Variants in NLRC3 observed in about 807,000 individuals in gnomAD.
The protein encoded by NLRC3 is NLR family CARD domain-containing protein 3.
A neutral mutation model predicts 91.6 loss-of-function variants in NLRC3; 87 were observed. The observed-to-expected ratio is 0.95, with a 90% CI of 0.80 to 1.14. The LOEUF (loss-of-function observed/expected upper bound fraction) is 1.14. Among genes scored for constraint, NLRC3 ranks in the 50% most tolerant of loss-of-function variants. The pLI is 0.00. For missense variants in NLRC3, 1,577 were observed against 1,418.6 expected, an observed-to-expected ratio of 1.11 and a Z score of -1.79; for synonymous variants, 694 against 625.3, an observed-to-expected ratio of 1.11 and a Z score of -1.64.
At chr16:3,544,369 A>G in intron 15 of NLRC3, 40 bp from the exon 16 acceptor site, 1 of 1,438,444 alleles carries the variant, frequency 7.0e-7, no homozygotes, top group Non-Finnish European at 9.8e-7. Flanking sequence ...CACGGGGCAC[A>G]GGGAGCATTC....
At chr16:3,552,683 T>C (rs2039077921) in intron 9 of NLRC3, among the ~76,000 whole-genome samples, 1 of 152,186 alleles carries the variant, frequency 6.6e-6, no homozygotes, top group Non-Finnish European at 1.5e-5. Flanking sequence ...GGCTCATGCC[T>C]GTGATCCCAG....
chr16:3,564,890 T>C lies in NLRC3; in HGVS notation c.147A>G (p.Thr49=), dbSNP rs2039806643. 6.2e-7 allele frequency: 1 copy of C among 1,609,174 alleles called. No individual in the cohort carries two copies. Among genetic ancestry groups the C allele is most frequent in the African/African-American group, 1.3e-5 (1 of 74,940 alleles). ...GSQAPQALDR[T]PDAPLGPCSN... is the part of the protein sequence containing the mutation. Reference sequence around the variant, plus strand: ...TGCAGGGCCCCAGCGGGGCATCCGGTGTCCTATCCAGGGCCTGCGGGGCCT... The same window carrying C: ...TGCAGGGCCCCAGCGGGGCATCCGGCGTCCTATCCAGGGCCTGCGGGGCCT... Residue 49 remains threonine, a synonymous_variant, in exon 4 of 20, where the codon ACA becomes ACG. Coordinates refer to ENST00000359128, the MANE Select transcript of NLRC3 (RefSeq NM_178844.4). This position sits in a 1 kb window ranked among gnomAD's most constrained non-coding sequence, Gnocchi z 5.9.
chr16:3,550,568 G>T, intron 10 of NLRC3, 71 bp from the exon 11 acceptor site: 2 of 1,158,790 alleles, frequency 1.7e-6, no homozygotes, highest in Non-Finnish European at 2.6e-6. Flanking sequence ...AGGGATCAGA[G>T]TCAGGGAAGC....
At chr16:3,546,173 G>A (rs1037974407) in intron 15 of NLRC3, among the ~76,000 whole-genome samples, 2 of 152,160 alleles carry the variant, frequency 1.3e-5, no homozygotes, top group African/African-American at 4.8e-5. Context: ...CAAGGTGGGA[G>A]GATCGCTTGA....
intron 5 of NLRC3, among the ~76,000 whole-genome samples, chr16:3,562,596 G>A (rs1026017480): frequency 6.6e-6 from 1 of 152,080 alleles, no homozygotes; most frequent in African/African-American, 2.4e-5. Flanking sequence ...AGCTGAGATC[G>A]CGCCACTGTA....
intron 10 of NLRC3, 46 bp downstream of exon 10, chr16:3,552,150 G>C (rs755873640): frequency 2.0e-5 from 23 of 1,156,776 alleles, no homozygotes; most frequent in Non-Finnish European, 2.9e-5. Flanking sequence ...GTTGGGCATT[G>C]TGCTGGGCAC....
Position 3,564,339 on chromosome 16 carries a change from G to T in NLRC3, c.598C>A (p.His200Asn). 1 of 1,611,874 alleles carries T rather than the reference G, an allele frequency of 6.2e-7. No individual in the cohort carries two copies. The highest frequency in any genetic ancestry group is 1.1e-5 in the South Asian group (1 of 91,014). Residue 200 changes from histidine (H) to asparagine (N), a missense_variant, in exon 5 of 20, where the codon CAC becomes AAC. His to Asn is a moderately conservative substitution (Grantham distance 68). Coordinates refer to ENST00000359128, the MANE Select transcript of NLRC3 (RefSeq NM_178844.4). The surrounding 1 kb of genome is among the most constrained non-coding windows in gnomAD (Gnocchi z 5.9). ...ACCGCCAGGCTGGGCTCCCCGACGTGCGGGAAGACCGAGCAGATGAGTCGG... is the reference window on the plus strand; with the variant it reads ...ACCGCCAGGCTGGGCTCCCCGACGTTCGGGAAGACCGAGCAGATGAGTCGG... The part of the protein sequence containing the change: ...ADRLICSVFP[H>N]VGEPSLAVAV...
intron 2 of NLRC3, 125 bp from the exon 3 acceptor site, chr16:3,565,505 G>T: frequency 2.9e-6 from 1 of 341,424 alleles, no homozygotes; most frequent in Non-Finnish European, 5.4e-6. Context: ...AAAGGCAGCA[G>T]CAGCCACTCT....
At chr16:3,555,350 A>G (rs571833855) in intron 8 of NLRC3, among the ~76,000 whole-genome samples, 3 of 152,334 alleles carry the variant, frequency 2.0e-5, no homozygotes, top group African/African-American at 4.8e-5. Flanking sequence ...AGGCGAGCCT[A>G]TATAAATCTA....
chr16:3,574,456 G>C (rs1414090733), intron 1 of NLRC3, among the ~76,000 whole-genome samples: 4 of 152,112 alleles, frequency 2.6e-5, no homozygotes, highest in Admixed American at 6.5e-5. Context: ...ATGAGGGAGG[G>C]ACAGTGCTGG....
chr16:3,561,936 T>A (rs1258142975), intron 5 of NLRC3, 148 bp from the exon 6 acceptor site: 1 of 621,982 alleles, frequency 1.6e-6, no homozygotes, highest in Non-Finnish European at 2.9e-6. Flanking sequence ...CTCAGACCTT[T>A]CCCGTGAGAG....
rs996780399 is a variant in NLRC3, at chr16:3,542,201, G to A, written c.3097C>T (p.Gln1033Ter). ...GGCAGGTGCACTCACTTGATATGCT[G>A]GAGCCTGTGGTTTCCAGACAGTGCT... ...ATALSGNHRLQHINLQGNHIG... is the reference protein window; with the variant it reads ...ATALSGNHRL The change falls in exon 19 of 20, where the codon CAG becomes TAG. Residue 1033 changes from glutamine to a stop codon, truncating the protein, a stop_gained. Coordinates refer to ENST00000359128, the MANE Select transcript of NLRC3 (RefSeq NM_178844.4). LOFTEE classifies it high-confidence loss of function. 6.3e-7 allele frequency: 1 copy of A among 1,583,980 alleles called. No homozygotes were observed. Among genetic ancestry groups the A allele is most frequent in the South Asian group, 1.2e-5 (1 of 86,232 alleles).
At chr16:3,561,670 G>A in intron 6 of NLRC3, 32 bp downstream of exon 6, 1 of 1,455,358 alleles carries the variant, frequency 6.9e-7, no homozygotes, top group South Asian at 1.1e-5. Flanking sequence ...CAAGACCATA[G>A]GCACCCTGGA....
Position 3,566,318 on chromosome 16 carries a change from C to T in NLRC3, c.-87+925G>A, listed in dbSNP as rs545154731. Reference sequence around the variant, plus strand: ...ATTTTTCTGTAAACCTGGCCAGACGCGGTGGCTCATGTCTGTAAGCCCAGC... The same window carrying T: ...ATTTTTCTGTAAACCTGGCCAGACGTGGTGGCTCATGTCTGTAAGCCCAGC... On this transcript the variant is annotated intron_variant, in intron 2 of 19. Transcript: ENST00000359128. 1.4e-4 allele frequency among the ~76,000 whole-genome samples: 22 copies of T among 151,980 alleles called. 1 individual carries two copies. Among genetic ancestry groups the T allele is most frequent in the African/African-American group, 5.1e-4 (21 of 41,432 alleles).
In NLRC3 at chr16:3,551,548, C is replaced by CATCCACCCATCCACCA. The variant is rs1372654569; in HGVS notation, c.2351+632_2351+647dup. ...TCATTTATTCAACCATCCATCCATCCATCCACCCATCCACCAATCCACCCA... is the reference window on the plus strand; with the variant it reads ...TCATTTATTCAACCATCCATCCATCCATCCACCCATCCACCAATCCACCCATCCACCAATCCACCCA... On this transcript the variant is annotated intron_variant, in intron 10 of 19. Coordinates refer to ENST00000359128, the MANE Select transcript of NLRC3 (RefSeq NM_178844.4). Among the ~76,000 whole-genome samples the CATCCACCCATCCACCA allele has an allele frequency of 4.6e-5, 7 of 151,648 alleles. No individual in the cohort carries two copies. The East Asian group carries it at 1.2e-3, about 25-fold the overall frequency.
In NLRC3 at chr16:3,563,701, TTTC is replaced by T. The variant is rs1184651050; in HGVS notation, c.1233_1235del (p.Lys412del). The T allele has an allele frequency of 1.9e-6, 3 of 1,613,534 alleles. No homozygotes were observed. The highest frequency in any genetic ancestry group is 2.5e-6 in the Non-Finnish European group (3 of 1,179,846). Reference sequence around the variant, plus strand: ...TCATGTCTTGCTCGTAAAACACGTATTTCTTCTTGAGCAGCCCATGGAAGGCCA... The same window carrying T: ...TCATGTCTTGCTCGTAAAACACGTATTTCTTGAGCAGCCCATGGAAGGCCA... On this transcript the variant is annotated inframe_deletion, in exon 5 of 20. Coordinates refer to ENST00000359128, the MANE Select transcript of NLRC3 (RefSeq NM_178844.4).
chr16:3,562,595 C>T (rs1475046034), intron 5 of NLRC3, among the ~76,000 whole-genome samples: 4 of 152,074 alleles, frequency 2.6e-5, no homozygotes, highest in African/African-American at 4.8e-5. Flanking sequence ...GAGCTGAGAT[C>T]GCGCCACTGT....
chr16:3,542,892 G>A (rs1364451106), intron 17 of NLRC3, 117 bp from the exon 18 acceptor site: 3 of 673,496 alleles, frequency 4.5e-6, no homozygotes, highest in African/African-American at 3.6e-5. Flanking sequence ...AGCAGTCACA[G>A]GAGGCCAGGG....
At position 3,554,255 on chromosome 16, in the gene NLRC3, G is replaced by A. The variant is rs745483324; in HGVS notation, c.2254C>T (p.Leu752Phe). Residue 752 changes from leucine (L) to phenylalanine (F), a missense_variant, in exon 9 of 20, where the codon CTC becomes TTC. By Grantham distance (22) the Leu-to-Phe change is conservative. Coordinates refer to ENST00000359128, the MANE Select transcript of NLRC3 (RefSeq NM_178844.4). ...GTGTTCACTCACTGCAGCATGGAGA[G>A]GGTCCGGTTGGAGGCCAAGGCCTCA... is the stretch of plus-strand genomic sequence containing the variant. ...MAEALASNRT[L>F]SMLHLQKNSI... 2 of 1,612,402 alleles carry A rather than the reference G, an allele frequency of 1.2e-6. No individual in the cohort carries two copies. Among genetic ancestry groups the A allele is most frequent in the South Asian group, 2.2e-5 (2 of 91,050 alleles).
Sources: allele counts gnomAD v4.1 joint callset (sites outside exome capture counted in the v4.1 genomes callset), GRCh38; gene constraint gnomAD v4.1.1; non-coding constraint Gnocchi (gnomAD v3.1); transcripts MANE v1.5; gene names NCBI Gene and HGNC (gene_info 2026-07-23, HGNC 2026-07-21).